The following CNTNAP2 variants were observed in gnomAD, a reference collection of about 807,000 sequenced individuals.
CNTNAP2 encodes contactin-associated protein-like 2.
In CNTNAP2, 98 loss-of-function variants were observed where a neutral mutation model predicts 155.2. The ratio of observed to expected loss-of-function variants is 0.63; its 90% CI spans 0.54 to 0.75. The LOEUF (loss-of-function observed/expected upper bound fraction) is 0.75. Ranked by LOEUF, CNTNAP2 falls within the 30% of genes least tolerant of loss-of-function variation. The probability of loss-of-function intolerance (pLI) is 0.00; values close to 1 mark genes in which losing one functional copy is unlikely to be tolerated. For missense variants in CNTNAP2, 1,727 were observed against 1,688.1 expected, an observed-to-expected ratio of 1.02 and a Z score of -0.40; for synonymous variants, 651 against 631.2, an observed-to-expected ratio of 1.03 and a Z score of -0.47.
At chr7:147,306,200 C>T (rs902726683) in intron 9 of CNTNAP2, among the ~76,000 whole-genome samples, 37 of 152,018 alleles carry the variant, frequency 2.4e-4, no homozygotes, top group African/African-American at 8.5e-4. Flanking sequence ...TTTACAACCC[C>T]CTCTAATGAA....
intron 1 of CNTNAP2, among the ~76,000 whole-genome samples, chr7:146,254,496 G>A (rs1799807909): frequency 6.6e-6 from 1 of 152,196 alleles, no homozygotes; most frequent in Admixed American, 6.5e-5. Flanking sequence ...AGTAAATGGA[G>A]GAAGTCATTT....
chr7:147,770,713 C>G (rs189841588), intron 13 of CNTNAP2, among the ~76,000 whole-genome samples: 1 of 151,842 alleles, frequency 6.6e-6, no homozygotes. Context: ...TATAAAAGAT[C>G]GAAATAAATA....
At chr7:147,369,168 A>G (rs1228815890) in intron 9 of CNTNAP2, among the ~76,000 whole-genome samples, 1 of 152,216 alleles carries the variant, frequency 6.6e-6, no homozygotes, top group Admixed American at 6.5e-5. Context: ...ATATTTTATA[A>G]CCATGTTAGA....
At chr7:148,211,762 A>T (rs1795555811) in intron 18 of CNTNAP2, among the ~76,000 whole-genome samples, 1 of 152,032 alleles carries the variant, frequency 6.6e-6, no homozygotes, top group Admixed American at 6.6e-5. Context: ...ATACAGTGGC[A>T]CTCTTCAGTA....
chr7:146,356,110 T>C (rs1794994375), intron 1 of CNTNAP2, among the ~76,000 whole-genome samples: 1 of 150,558 alleles, frequency 6.6e-6, no homozygotes, highest in Non-Finnish European at 1.5e-5. Flanking sequence ...TTTACAACCA[T>C]ACATTACAGA....
intron 14 of CNTNAP2, among the ~76,000 whole-genome samples, chr7:147,937,041 C>G (rs1800623081): frequency 7.1e-6 from 1 of 139,922 alleles, no homozygotes; most frequent in South Asian, 2.3e-4. Context: ...GACCCTCACC[C>G]CCTCACCACC....
At chr7:146,885,929 GT>G (rs1254745076) in intron 3 of CNTNAP2, among the ~76,000 whole-genome samples, 9 of 5,426 alleles carry the variant, frequency 1.7e-3, no homozygotes, top group East Asian at 0.062. Flanking sequence ...ATGTAAGTCG[GT>G]GTGTGTGTGT....
At chr7:147,410,126 C>T (rs1233561963) in intron 10 of CNTNAP2, among the ~76,000 whole-genome samples, 1 of 152,148 alleles carries the variant, frequency 6.6e-6, no homozygotes, top group Non-Finnish European at 1.5e-5. Flanking sequence ...GCCCTATTCA[C>T]AATAGCAAAG....
At chr7:147,607,670 C>CTT (rs1198450677) in intron 12 of CNTNAP2, among the ~76,000 whole-genome samples, 1 of 152,102 alleles carries the variant, frequency 6.6e-6, no homozygotes, top group Non-Finnish European at 1.5e-5. Flanking sequence ...TCTTAGGTGA[C>CTT]TTTAGCCTGT....
At chr7:147,321,291 C>G (rs1795346499) in intron 9 of CNTNAP2, among the ~76,000 whole-genome samples, 1 of 152,138 alleles carries the variant, frequency 6.6e-6, no homozygotes, top group Admixed American at 6.6e-5. Context: ...TGCTGTGCCC[C>G]AGTGTCTGGT....
intron 1 of CNTNAP2, among the ~76,000 whole-genome samples, chr7:146,373,406 A>G (rs1795263408): frequency 1.2e-5 from 1 of 83,776 alleles, no homozygotes; most frequent in South Asian, 3.1e-4. Flanking sequence ...CTTAACACAT[A>G]CACACACACA....
chr7:146,525,826 T>C (rs1241360383), intron 1 of CNTNAP2, among the ~76,000 whole-genome samples: 2 of 152,118 alleles, frequency 1.3e-5, no homozygotes, highest in Non-Finnish European at 2.9e-5. Context: ...CCCCTTGGGA[T>C]ATCAGCTCCC....
chr7:147,244,116 G>A (rs1418515883), intron 8 of CNTNAP2, among the ~76,000 whole-genome samples: 1 of 152,044 alleles, frequency 6.6e-6, no homozygotes, highest in Non-Finnish European at 1.5e-5. Context: ...TCACCCTTTG[G>A]GGACTATGCT....
intron 14 of CNTNAP2, among the ~76,000 whole-genome samples, chr7:147,923,115 G>A (rs533913557): frequency 8.5e-5 from 13 of 152,048 alleles, no homozygotes; most frequent in Admixed American, 3.9e-4. Context: ...GGGAGGGAAG[G>A]GGAGGGGAGA....
chr7:146,616,794 T>C (rs1799231913), intron 1 of CNTNAP2, among the ~76,000 whole-genome samples: 1 of 152,216 alleles, frequency 6.6e-6, no homozygotes, highest in South Asian at 2.1e-4. Context: ...GCATTCCTTT[T>C]CTGTATCGGG....
intron 13 of CNTNAP2, among the ~76,000 whole-genome samples, chr7:147,817,539 C>A (rs1454879708): frequency 6.6e-6 from 1 of 152,110 alleles, no homozygotes; most frequent in Admixed American, 6.5e-5. Flanking sequence ...TCTCACAAAT[C>A]ACCGCTGAAG....
At chr7:146,244,085 G>T (rs1402947594) in intron 1 of CNTNAP2, among the ~76,000 whole-genome samples, 1 of 152,094 alleles carries the variant, frequency 6.6e-6, no homozygotes, top group Non-Finnish European at 1.5e-5. Flanking sequence ...GGTTTTGTAT[G>T]AATTGAAAAA....
intron 21 of CNTNAP2, among the ~76,000 whole-genome samples, chr7:148,282,689 G>A (rs774565893): frequency 6.6e-6 from 1 of 151,990 alleles, no homozygotes; most frequent in Non-Finnish European, 1.5e-5. Context: ...AAACCAATTG[G>A]TATCATCATC....
chr7:147,411,430 G>T (rs1797100574), intron 10 of CNTNAP2, among the ~76,000 whole-genome samples: 1 of 152,144 alleles, frequency 6.6e-6, no homozygotes, highest in Admixed American at 6.5e-5. Context: ...CAGCTGTTAG[G>T]AACAGAGACC....
Sources: allele counts gnomAD v4.1 joint callset (sites outside exome capture counted in the v4.1 genomes callset), GRCh38; gene constraint gnomAD v4.1.1; transcripts MANE v1.5; gene names NCBI Gene and HGNC (gene_info 2026-07-23, HGNC 2026-07-21).